The following TNIP3 variants were observed in gnomAD, a reference collection of about 807,000 sequenced individuals.
The protein encoded by TNIP3 is TNFAIP3-interacting protein 3.
TNIP3 carries 34 observed loss-of-function variants against 54.1 expected under a neutral mutation model. That is an observed-to-expected ratio of 0.63 (90% CI 0.48 to 0.84). TNIP3 has a LOEUF of 0.84. Among genes scored for constraint, TNIP3 ranks in the 40% least tolerant of loss-of-function variants. The probability of loss-of-function intolerance (pLI) is 0.00; values close to 1 mark genes in which losing one functional copy is unlikely to be tolerated. For missense variants in TNIP3, 366 were observed against 387.6 expected (o/e 0.94, Z 0.47); for synonymous variants, 134 against 136.8 (o/e 0.98, Z 0.14).
intron 3 of TNIP3, among the ~76,000 whole-genome samples, chr4:121,169,616 T>C (rs561581726): frequency 4.6e-5 from 7 of 152,296 alleles, no homozygotes; most frequent in Admixed American, 1.3e-4. Context: ...CACATACAAA[T>C]TGCCTTCCTT....
chr4:121,155,664 C>G (rs561742778), intron 4 of TNIP3, among the ~76,000 whole-genome samples: 17 of 152,130 alleles, frequency 1.1e-4, no homozygotes, highest in Non-Finnish European at 2.1e-4. Flanking sequence ...TCTCCTACCT[C>G]TTAATTTTGT....
intron 2 of TNIP3, among the ~76,000 whole-genome samples, chr4:121,188,310 A>G (rs1227355379): frequency 7.3e-6 from 1 of 137,662 alleles, no homozygotes; most frequent in Non-Finnish European, 1.5e-5. Context: ...AATGAAACTT[A>G]AAAAAAAAAA....
chr4:121,184,524 C>T (rs2136941), intron 2 of TNIP3, among the ~76,000 whole-genome samples: 3,321 of 152,272 alleles, frequency 0.022, 80 homozygotes, highest in Admixed American at 0.035. Flanking sequence ...AAATGCGGAG[C>T]TGAGAGATGG....
At chr4:121,180,886 G>T (rs1365341045) in intron 3 of TNIP3, among the ~76,000 whole-genome samples, 1 of 152,088 alleles carries the variant, frequency 6.6e-6, no homozygotes, top group African/African-American at 2.4e-5. Flanking sequence ...TAAGCCTTGG[G>T]TCTCACCTCT....
chr4:121,204,688 A>C (rs534342901), intron 2 of TNIP3, among the ~76,000 whole-genome samples: 14 of 152,290 alleles, frequency 9.2e-5, no homozygotes, highest in African/African-American at 3.4e-4. Flanking sequence ...ATATTCTTAC[A>C]TACTAGTATT....
intron 10 of TNIP3, among the ~76,000 whole-genome samples, chr4:121,135,926 T>G (rs1728754471): frequency 2.0e-5 from 3 of 152,156 alleles, no homozygotes; most frequent in Admixed American, 6.5e-5. Flanking sequence ...ATACATCAAC[T>G]GTGGAAGCTA....
intron 10 of TNIP3, 76 bp downstream of exon 10, chr4:121,138,548 A>G (rs1268794569): frequency 1.5e-6 from 2 of 1,355,312 alleles, no homozygotes; most frequent in Non-Finnish European, 1.1e-6. Flanking sequence ...GAATGAATGT[A>G]TGTTGAGTAA....
chr4:121,162,375 G>C (rs369085480), intron 1 of TNIP3, among the ~76,000 whole-genome samples: 8 of 152,140 alleles, frequency 5.3e-5, no homozygotes, highest in African/African-American at 1.2e-4. Context: ...CATTTAAAAA[G>C]AGACAGTCTT....
intron 10 of TNIP3, among the ~76,000 whole-genome samples, chr4:121,134,719 ATG>A (rs1236258487): frequency 6.6e-6 from 1 of 152,186 alleles, no homozygotes; most frequent in Non-Finnish European, 1.5e-5. Flanking sequence ...TCTGTGCACC[ATG>A]GTACTCAGCA....
intron 1 of TNIP3, among the ~76,000 whole-genome samples, chr4:121,226,836 T>G (rs1287603370): frequency 1.3e-5 from 2 of 152,196 alleles, no homozygotes; most frequent in Non-Finnish European, 2.9e-5. Flanking sequence ...AATACATTCT[T>G]TTAGAATGTT....
intron 3 of TNIP3, among the ~76,000 whole-genome samples, chr4:121,180,999 A>G (rs1724661937): frequency 6.6e-6 from 1 of 152,194 alleles, no homozygotes; most frequent in African/African-American, 2.4e-5. Context: ...TGTGAAGTGC[A>G]GGAGAATGAG....
intron 3 of TNIP3, among the ~76,000 whole-genome samples, chr4:121,170,941 G>A (rs542603430): frequency 4.6e-5 from 7 of 152,036 alleles, no homozygotes; most frequent in Admixed American, 2.6e-4. Flanking sequence ...TTCGCCTCCC[G>A]AGTAGCTGGG....
At chr4:121,223,572 C>G (rs534505591) in intron 1 of TNIP3, among the ~76,000 whole-genome samples, 2 of 151,592 alleles carry the variant, frequency 1.3e-5, no homozygotes, top group African/African-American at 4.9e-5. Context: ...TAAATTCCAC[C>G]ACATTTATTT....
At chr4:121,165,261 C>T (rs1730692695), upstream of TNIP3, among the ~76,000 whole-genome samples, 1 of 151,810 alleles carries the variant, frequency 6.6e-6, no homozygotes, top group Non-Finnish European at 1.5e-5. Context: ...ATATCTCCCC[C>T]TACTCTCCAA....
intron 3 of TNIP3, among the ~76,000 whole-genome samples, chr4:121,176,280 C>T (rs1286469680): frequency 2.6e-5 from 4 of 152,196 alleles, no homozygotes; most frequent in Non-Finnish European, 5.9e-5. Flanking sequence ...TCCTCACTGC[C>T]TGAGAACATG....
chr4:121,203,258 T>TAGAC (rs899923012), intron 2 of TNIP3, among the ~76,000 whole-genome samples: 1 of 150,998 alleles, frequency 6.6e-6, no homozygotes, highest in East Asian at 1.9e-4. Context: ...GATAGATAGA[T>TAGAC]AGAAAGATAC....
intron 10 of TNIP3, chr4:121,138,144 C>G: frequency 2.8e-6 from 1 of 361,508 alleles, no homozygotes; most frequent in South Asian, 2.2e-5. Flanking sequence ...TGTGGGCAAC[C>G]CTGGCCTAAA....
chr4:121,197,178 G>T (rs1430055581), intron 2 of TNIP3, among the ~76,000 whole-genome samples: 1 of 152,036 alleles, frequency 6.6e-6, no homozygotes, highest in Non-Finnish European at 1.5e-5. Flanking sequence ...GAAACTTGTT[G>T]TTTAGCTTTA....
At chr4:121,151,534 T>C (rs532012741) in intron 5 of TNIP3, among the ~76,000 whole-genome samples, 8 of 152,242 alleles carry the variant, frequency 5.3e-5, no homozygotes, top group South Asian at 4.1e-4. Flanking sequence ...AAAAGTAGTT[T>C]AATAATTTAT....
Sources: gnomAD v4.1 joint callset for allele counts (sites outside exome capture counted in the v4.1 genomes callset) on GRCh38, gnomAD v4.1.1 for gene constraint, MANE v1.5 for transcripts, NCBI Gene and HGNC (gene_info 2026-07-23, HGNC 2026-07-21) for gene names.